The following KCNK2 variants were observed in gnomAD, a reference collection of about 807,000 sequenced individuals.
KCNK2 encodes the protein potassium two pore domain channel subfamily K member 2.
Under a neutral mutation model 40.5 loss-of-function variants are expected in KCNK2, and 21 were observed. That is an observed-to-expected ratio of 0.52 (90% CI 0.37 to 0.75). The LOEUF is 0.75. KCNK2 is among the 30% of genes least tolerant of loss of function. The pLI is 0.00. For synonymous variants in KCNK2, 191 were observed against 202.2 expected (o/e 0.94, Z 0.47); for missense variants, 399 against 531.6 (o/e 0.75, Z 2.45).
At chr1:215,035,922 TGAG>T (rs1055811505) in intron 1 of KCNK2, among the ~76,000 whole-genome samples, 1 of 112,196 alleles carries the variant, frequency 8.9e-6, no homozygotes, top group African/African-American at 3.1e-5. Flanking sequence ...TGATTGGTTT[TGAG>T]GAGTTTTTTT....
chr1:215,075,244 C>A (rs547635127), intron 1 of KCNK2, among the ~76,000 whole-genome samples: 1 of 151,992 alleles, frequency 6.6e-6, no homozygotes, highest in Admixed American at 6.5e-5. Context: ...TTAATGTAAG[C>A]AAATATGCAA....
At chr1:215,221,699 A>G (rs1558146489) in intron 6 of KCNK2, among the ~76,000 whole-genome samples, 1 of 152,200 alleles carries the variant, frequency 6.6e-6, no homozygotes, top group African/African-American at 2.4e-5. Flanking sequence ...GCAGAACAAA[A>G]TCCACATATA....
intron 5 of KCNK2, among the ~76,000 whole-genome samples, chr1:215,191,876 G>C (rs998500896): frequency 6.6e-6 from 1 of 152,078 alleles, no homozygotes; most frequent in East Asian, 1.9e-4. Flanking sequence ...GCATCTTGTA[G>C]GCTGCATCTC....
At chr1:215,191,257 C>T (rs1254108901) in intron 5 of KCNK2, among the ~76,000 whole-genome samples, 1 of 149,284 alleles carries the variant, frequency 6.7e-6, no homozygotes, top group East Asian at 2.0e-4. Context: ...GCACTCTTGC[C>T]TGGGTGACAG....
intron 2 of KCNK2, among the ~76,000 whole-genome samples, chr1:215,116,869 A>G (rs988948580): frequency 8.5e-5 from 13 of 152,054 alleles, no homozygotes; most frequent in African/African-American, 2.9e-4. Flanking sequence ...TGGGGGGGGA[A>G]CCTTGAAAAT....
chr1:215,176,100 T>C (rs1208591183), intron 5 of KCNK2, among the ~76,000 whole-genome samples: 1 of 152,140 alleles, frequency 6.6e-6, no homozygotes, highest in Non-Finnish European at 1.5e-5. Context: ...GAACTAATTT[T>C]CATTCCCACC....
intron 1 of KCNK2, among the ~76,000 whole-genome samples, chr1:215,054,758 A>G (rs1327061505): frequency 2.0e-5 from 3 of 152,186 alleles, no homozygotes; most frequent in East Asian, 1.9e-4. Flanking sequence ...TAAGGGGGGA[A>G]TTTTTAGCCT....
intron 1 of KCNK2, among the ~76,000 whole-genome samples, chr1:215,020,003 A>G (rs553329198): frequency 4.0e-4 from 61 of 152,326 alleles, no homozygotes; most frequent in African/African-American, 1.3e-3. Flanking sequence ...TAAACAAGAT[A>G]ATTTATTTCA....
At chr1:215,199,225 T>C (rs949444111) in intron 6 of KCNK2, among the ~76,000 whole-genome samples, 87 of 152,102 alleles carry the variant, frequency 5.7e-4, no homozygotes, top group African/African-American at 1.9e-3. Flanking sequence ...GGAGAATTGC[T>C]TGGACCCGGG....
chr1:215,231,862 G>C (rs567657876), intron 6 of KCNK2, among the ~76,000 whole-genome samples: 2 of 152,058 alleles, frequency 1.3e-5, no homozygotes, highest in Non-Finnish European at 2.9e-5. Context: ...ACGTGGCAGC[G>C]GGCAAGAGAG....
chr1:215,137,948 C>T (rs1662002113), intron 3 of KCNK2, among the ~76,000 whole-genome samples: 1 of 152,132 alleles, frequency 6.6e-6, no homozygotes, highest in African/African-American at 2.4e-5. Flanking sequence ...AGAGGGTCCA[C>T]AGCACATATC....
At chr1:215,209,971 TTA>T (rs1470358116) in intron 6 of KCNK2, among the ~76,000 whole-genome samples, 1 of 64,528 alleles carries the variant, frequency 1.5e-5, no homozygotes. Flanking sequence ...TTTATATATA[TTA>T]TATATATTAT....
intron 6 of KCNK2, among the ~76,000 whole-genome samples, chr1:215,214,231 C>A (rs1388219955): frequency 6.6e-6 from 1 of 152,124 alleles, no homozygotes; most frequent in Non-Finnish European, 1.5e-5. Context: ...CGGTGGAAGG[C>A]TAAGGAGAGG....
intron 6 of KCNK2, among the ~76,000 whole-genome samples, chr1:215,195,772 C>T (rs1356681866): frequency 6.6e-6 from 1 of 152,100 alleles, no homozygotes; most frequent in Non-Finnish European, 1.5e-5. Context: ...TTCATATTTA[C>T]ATATCCAGGA....
At chr1:215,085,488 A>G (rs1487225620) in intron 1 of KCNK2, among the ~76,000 whole-genome samples, 5 of 152,250 alleles carry the variant, frequency 3.3e-5, no homozygotes, top group African/African-American at 7.2e-5. Flanking sequence ...ACCTCCGACT[A>G]TATGGCAATT....
chr1:215,073,878 A>C (rs1381608635), intron 1 of KCNK2, among the ~76,000 whole-genome samples: 1 of 152,174 alleles, frequency 6.6e-6, no homozygotes, highest in African/African-American at 2.4e-5. Flanking sequence ...TTGACAGGAC[A>C]GGATGTTTAT....
intron 5 of KCNK2, among the ~76,000 whole-genome samples, chr1:215,185,164 A>C (rs1664384064): frequency 6.6e-6 from 1 of 152,144 alleles, no homozygotes; most frequent in Non-Finnish European, 1.5e-5. Flanking sequence ...GAAATAATAC[A>C]AACTTATAGA....
chr1:215,125,608 G>A (rs551348168), intron 3 of KCNK2, among the ~76,000 whole-genome samples: 2 of 151,838 alleles, frequency 1.3e-5, no homozygotes, highest in Non-Finnish European at 2.9e-5. Flanking sequence ...AGATGGGGGA[G>A]GGATAGCATT....
chr1:215,200,180 A>G (rs561898026), intron 6 of KCNK2, among the ~76,000 whole-genome samples: 12 of 152,302 alleles, frequency 7.9e-5, no homozygotes, highest in African/African-American at 2.9e-4. Flanking sequence ...ACACCCTTTG[A>G]CTGGACAACG....
Sources: gnomAD v4.1 joint callset for allele counts (sites outside exome capture counted in the v4.1 genomes callset) on GRCh38, gnomAD v4.1.1 for gene constraint, MANE v1.5 for transcripts, NCBI Gene and HGNC (gene_info 2026-07-23, HGNC 2026-07-21) for gene names.